Variants in OR2L13 observed in about 807,000 individuals in gnomAD.
The protein encoded by OR2L13 is olfactory receptor family 2 subfamily L member 13.
A neutral mutation model predicts 15.3 loss-of-function variants in OR2L13; 14 were observed. That is an observed-to-expected ratio of 0.91 (90% CI 0.60 to 1.43). The LOEUF is 1.43. Among genes scored for constraint, OR2L13 ranks in the 40% most tolerant of loss-of-function variants. OR2L13 has a pLI of 0.00. For missense variants in OR2L13, 367 were observed against 387.9 expected (o/e 0.95, Z 0.45); for synonymous variants, 152 against 142.9 (o/e 1.06, Z -0.45).
At chr1:248,032,442 C>T in the OR2L13 span, among the ~76,000 whole-genome samples, 1 of 152,088 alleles carries the variant, frequency 6.6e-6, no homozygotes, top group Non-Finnish European at 1.5e-5. Flanking sequence ...CAACCATCCC[C>T]ACCAGTCATC....
At chr1:247,938,109 A>G in the OR2L13 span, among the ~76,000 whole-genome samples, 54 of 152,270 alleles carry the variant, frequency 3.5e-4, no homozygotes, top group East Asian at 9.6e-3. Context: ...ATTTAGACAT[A>G]AAATAAGCAA....
At chr1:248,083,691 C>A in the OR2L13 span, 3 of 1,606,450 alleles carry the variant, frequency 1.9e-6, no homozygotes, top group Non-Finnish European at 2.6e-6. Flanking sequence ...TGTCCCCAGC[C>A]ACCGTTTCAG....
chr1:248,041,602 C>T, the OR2L13 span: 1 of 151,968 alleles, frequency 6.6e-6, no homozygotes, highest in Non-Finnish European at 1.5e-5. Flanking sequence ...ATTTTTGCAA[C>T]CTACTCATCT....
chr1:247,979,857 T>C, the OR2L13 span, among the ~76,000 whole-genome samples: 1 of 152,108 alleles, frequency 6.6e-6, no homozygotes, highest in East Asian at 1.9e-4. Context: ...AGAAATTCTT[T>C]AGATTTTCAA....
chr1:248,017,294 C>T, the OR2L13 span, among the ~76,000 whole-genome samples: 1 of 152,174 alleles, frequency 6.6e-6, no homozygotes, highest in South Asian at 2.1e-4. Flanking sequence ...AAAATGTCCT[C>T]TTCACATTAC....
chr1:248,045,280 C>G, the OR2L13 span, among the ~76,000 whole-genome samples: 3 of 152,044 alleles, frequency 2.0e-5, no homozygotes, highest in Non-Finnish European at 4.4e-5. Context: ...CAGAATAAAC[C>G]AAGTTTTGAC....
At chr1:248,081,344 T>G in the OR2L13 span, among the ~76,000 whole-genome samples, 2 of 152,202 alleles carry the variant, frequency 1.3e-5, no homozygotes, top group Non-Finnish European at 2.9e-5. Context: ...TTGTGCATTT[T>G]TATTAATGTC....
At chr1:247,942,278 AG>A in the OR2L13 span, among the ~76,000 whole-genome samples, 1 of 152,178 alleles carries the variant, frequency 6.6e-6, no homozygotes. Context: ...AGTGCTTAAA[AG>A]TCATGTAGCC....
chr1:248,084,654 A>T, the OR2L13 span: 25,627 of 1,530,084 alleles, frequency 0.017, 283 homozygotes, highest in Non-Finnish European at 0.02. Flanking sequence ...GGCTTTTATC[A>T]TCTGAATAAC....
At chr1:247,971,407 G>A in the OR2L13 span, among the ~76,000 whole-genome samples, 1 of 152,118 alleles carries the variant, frequency 6.6e-6, no homozygotes, top group African/African-American at 2.4e-5. Flanking sequence ...TGCAGGTTGT[G>A]CTCTCGGCTA....
chr1:248,005,854 C>A, the OR2L13 span, among the ~76,000 whole-genome samples: 2 of 152,142 alleles, frequency 1.3e-5, no homozygotes, highest in African/African-American at 4.8e-5. Context: ...AATGTCGTAG[C>A]AGTTAAAACA....
the OR2L13 span, chr1:248,063,332 G>A: frequency 1.3e-5 from 2 of 152,144 alleles, no homozygotes; most frequent in African/African-American, 4.8e-5. Context: ...GTATTACATA[G>A]TGCAATGCTC....
At chr1:247,991,643 G>A in the OR2L13 span, among the ~76,000 whole-genome samples, 2 of 149,198 alleles carry the variant, frequency 1.3e-5, 1 homozygote, top group East Asian at 4.1e-4. Flanking sequence ...CACACTCAAT[G>A]TTTCCCTCGT....
chr1:247,971,598 A>G, the OR2L13 span, among the ~76,000 whole-genome samples: 1 of 152,192 alleles, frequency 6.6e-6, no homozygotes. Flanking sequence ...CTTCTTGTAT[A>G]AGGTGTAAGA....
the OR2L13 span, among the ~76,000 whole-genome samples, chr1:248,078,127 G>T: frequency 6.6e-6 from 1 of 152,160 alleles, no homozygotes; most frequent in Non-Finnish European, 1.5e-5. Context: ...TATTGGTAGT[G>T]CCAAGTGCTA....
chr1:248,046,280 C>T, the OR2L13 span, among the ~76,000 whole-genome samples: 1 of 152,138 alleles, frequency 6.6e-6, no homozygotes, highest in Non-Finnish European at 1.5e-5. Flanking sequence ...TAATAGATAA[C>T]TCCCATGTAT....
At chr1:247,998,890 A>G in the OR2L13 span, among the ~76,000 whole-genome samples, 1 of 151,668 alleles carries the variant, frequency 6.6e-6, no homozygotes, top group African/African-American at 2.4e-5. Context: ...ACAACCACGC[A>G]GAGTTTTTGT....
the OR2L13 span, chr1:248,060,675 A>G: frequency 6.2e-7 from 1 of 1,606,414 alleles, no homozygotes; most frequent in Non-Finnish European, 8.5e-7. Flanking sequence ...GAGCACACGA[A>G]TGCCCCATGG....
chr1:248,003,677 A>G, the OR2L13 span: 18 of 1,612,490 alleles, frequency 1.1e-5, no homozygotes, highest in Admixed American at 1.7e-5. Flanking sequence ...TGTCCCAGCA[A>G]TGGTGACTCT....
Sources: allele counts gnomAD v4.1 joint callset (sites outside exome capture counted in the v4.1 genomes callset), GRCh38; gene constraint gnomAD v4.1.1; transcripts MANE v1.5; gene names NCBI Gene and HGNC (gene_info 2026-07-23, HGNC 2026-07-21).